GRIA4: variants seen among roughly 807,000 people sequenced by gnomAD.
The protein encoded by GRIA4 is glutamate ionotropic receptor AMPA type subunit 4.
A neutral mutation model predicts 104.0 loss-of-function variants in GRIA4; 34 were observed. The observed-to-expected ratio is 0.33, with a 90% CI of 0.25 to 0.44. The LOEUF is 0.44. Among genes scored for constraint, GRIA4 ranks in the 20% least tolerant of loss-of-function variants. The probability of loss-of-function intolerance (pLI) is 1.00; values close to 1 mark genes in which losing one functional copy is unlikely to be tolerated. For missense variants in GRIA4, 750 were observed against 1,096.5 expected (o/e 0.68, Z 4.46); for synonymous variants, 386 against 381.9 (o/e 1.01, Z -0.13).
chr11:105,828,568 A>G (rs1247843340), intron 4 of GRIA4, among the ~76,000 whole-genome samples: 2 of 151,978 alleles, frequency 1.3e-5, no homozygotes, highest in Admixed American at 6.6e-5. Flanking sequence ...CTTAGTCACA[A>G]TGCAAAATGA....
intron 4 of GRIA4, among the ~76,000 whole-genome samples, chr11:105,793,668 G>A (rs1256078306): frequency 6.6e-6 from 1 of 152,148 alleles, no homozygotes; most frequent in Non-Finnish European, 1.5e-5. Flanking sequence ...TGCTTTTCTG[G>A]AGAACTTTAG....
At chr11:105,721,297 G>A (rs771998362) in intron 3 of GRIA4, among the ~76,000 whole-genome samples, 1 of 151,978 alleles carries the variant, frequency 6.6e-6, no homozygotes, top group African/African-American at 2.4e-5. Flanking sequence ...GTTTATTTCC[G>A]AGTAGCACTT....
intron 14 of GRIA4, among the ~76,000 whole-genome samples, chr11:105,954,402 T>G (rs547367334): frequency 6.6e-6 from 1 of 152,298 alleles, no homozygotes; most frequent in Non-Finnish European, 1.5e-5. Context: ...TTTTACTAAT[T>G]ATTACAGTAT....
At position 105,673,926 on chromosome 11, in the gene GRIA4, G is replaced by A. The variant is rs147033207; in HGVS notation, c.247+61492G>A. The stretch of plus-strand genomic sequence containing the variant: ...TGGAATATAGATTCAAAGTCAAGGA[G>A]AATCATATTTTTAAATGCAAATGAA... On this transcript the variant is annotated intron_variant, in intron 3 of 16. Coordinates refer to ENST00000282499, the MANE Select transcript of GRIA4 (RefSeq NM_000829.4). Among the ~76,000 whole-genome samples, 169 of 152,054 alleles carry A rather than the reference G, an allele frequency of 1.1e-3. 1 individual carries two copies. Among genetic ancestry groups the A allele is most frequent in the African/African-American group, 4.0e-3 (167 of 41,516 alleles).
intron 4 of GRIA4, among the ~76,000 whole-genome samples, chr11:105,754,685 T>C (rs1420456390): frequency 6.6e-6 from 1 of 152,218 alleles, no homozygotes; most frequent in Admixed American, 6.5e-5. Flanking sequence ...CTGTTTTTTA[T>C]TTAGTGACTA....
intron 3 of GRIA4, among the ~76,000 whole-genome samples, chr11:105,636,828 A>G (rs1034157928): frequency 6.6e-6 from 1 of 152,224 alleles, no homozygotes; most frequent in Non-Finnish European, 1.5e-5. Flanking sequence ...AAAAATGCAC[A>G]GGTCTAACTG....
At chr11:105,742,536 A>T (rs950080424) in intron 3 of GRIA4, among the ~76,000 whole-genome samples, 2 of 151,896 alleles carry the variant, frequency 1.3e-5, no homozygotes, top group African/African-American at 4.8e-5. Context: ...CCTATCAAAC[A>T]TATTTATACA....
At chr11:105,919,451 A>G (rs1380279579) in intron 11 of GRIA4, among the ~76,000 whole-genome samples, 2 of 152,160 alleles carry the variant, frequency 1.3e-5, no homozygotes, top group African/African-American at 4.8e-5. Context: ...TGCTGAACAC[A>G]GTAAATTTAA....
rs1284136854 is a variant in GRIA4 at position 105,921,097 on chromosome 11, T to C, written c.1476+2179T>C. The stretch of plus-strand genomic sequence containing the variant: ...CACTATATTTTTTTACTTTACTCCT[T>C]GCAAACTTTGTTGCTATAATTGTAA... On this transcript the variant is annotated intron_variant, in intron 11 of 16. Transcript: ENST00000282499. Among the ~76,000 whole-genome samples, 3 of 152,302 alleles carry C rather than the reference T, an allele frequency of 2.0e-5. No individual in the cohort carries two copies. In the East Asian group the frequency reaches 5.8e-4, roughly 29 times the overall value.
rs1946738683 is a variant in GRIA4 at position 105,898,442 on chromosome 11, T to G, written c.885+15T>G. ...CTCCTCCAAAGGTATTTGTTTATTT[T>G]TATCTACTGTATTACTGATAGTTTC... On this transcript the variant is annotated intron_variant, in intron 7 of 16. Transcript: ENST00000282499. The G allele has an allele frequency of 1.4e-6, 2 of 1,427,328 alleles. No homozygotes were observed. The highest frequency in any genetic ancestry group is 2.8e-5 in the African/African-American group (2 of 70,816). The allele number at this position is 1,427,328 out of a possible 1,614,324, so 88.4% of individuals were successfully genotyped here.
At chr11:105,636,503 T>C (rs1951206330) in intron 3 of GRIA4, among the ~76,000 whole-genome samples, 1 of 152,168 alleles carries the variant, frequency 6.6e-6, no homozygotes. Context: ...TATCATTTTC[T>C]TTTCTCCATA....
intron 4 of GRIA4, among the ~76,000 whole-genome samples, chr11:105,756,006 A>G (rs1940289071): frequency 6.6e-6 from 1 of 152,136 alleles, no homozygotes; most frequent in Non-Finnish European, 1.5e-5. Context: ...CTTACTGATT[A>G]TTGGATTTCT....
Position 105,862,142 on chromosome 11 carries a change from C to T in GRIA4, c.606C>T (p.Asp202=), listed in dbSNP as rs2136021170. ...ATAGGCAACTTCTAGAAGAACTTGA[C>T]AGAAGACAAGAGAAGAAGTTTGTAA... ...VSYRQLLEEL[D]RRQEKKFVID... Residue 202 remains aspartate, a synonymous_variant, in exon 5 of 17, where the codon GAC becomes GAT. Transcript: ENST00000282499. 1 of 1,607,724 alleles carries T rather than the reference C, an allele frequency of 6.2e-7. No individual in the cohort carries two copies. Among genetic ancestry groups the T allele is most frequent in the East Asian group, 2.2e-5 (1 of 44,792 alleles).
chr11:105,932,083 C>A (rs903297471), intron 13 of GRIA4, among the ~76,000 whole-genome samples: 2 of 151,790 alleles, frequency 1.3e-5, no homozygotes, highest in African/African-American at 4.8e-5. Context: ...AAAATTGCAG[C>A]CCCTTGTTAT....
chr11:105,838,234 A>G (rs376669594), intron 4 of GRIA4, among the ~76,000 whole-genome samples: 3 of 152,228 alleles, frequency 2.0e-5, no homozygotes, highest in South Asian at 4.1e-4. Context: ...TGGAAATTCC[A>G]TGTCTGCAAA....
intron 3 of GRIA4, among the ~76,000 whole-genome samples, chr11:105,635,276 T>C (rs1290497770): frequency 6.6e-6 from 1 of 152,060 alleles, no homozygotes; most frequent in Non-Finnish European, 1.5e-5. Context: ...TAAAATAAAA[T>C]GTCAGTATTT....
At chr11:105,797,087 T>G (rs1001618105) in intron 4 of GRIA4, among the ~76,000 whole-genome samples, 4 of 152,028 alleles carry the variant, frequency 2.6e-5, no homozygotes, top group African/African-American at 4.8e-5. Flanking sequence ...TGCATGCTTA[T>G]AGTCCCAGCT....
chr11:105,835,934 AG>A lies in GRIA4; in HGVS notation c.488-26087del, dbSNP rs1170710386. Among the ~76,000 whole-genome samples, 48 of 152,202 alleles carry A rather than the reference AG, an allele frequency of 3.2e-4. 1 individual carries two copies. The highest frequency in any genetic ancestry group is 6.8e-3 in the Middle Eastern group (2 of 292). ...AAAGAAAAAAAGTTTATCATGATGA[AG>A]GGTCTTACAATGTTTGAGGATAAAA... On this transcript the variant is annotated intron_variant, in intron 4 of 16. Transcript: ENST00000282499.
intron 4 of GRIA4, among the ~76,000 whole-genome samples, chr11:105,779,796 A>G (rs1365024791): frequency 8.2e-6 from 1 of 121,306 alleles, no homozygotes; most frequent in African/African-American, 3.1e-5. Flanking sequence ...TGTAGATCTT[A>G]TCTTGTGCTT....
Sources: gnomAD v4.1 joint callset for allele counts (sites outside exome capture counted in the v4.1 genomes callset) on GRCh38, gnomAD v4.1.1 for gene constraint, MANE v1.5 for transcripts, NCBI Gene and HGNC (gene_info 2026-07-23, HGNC 2026-07-21) for gene names.